PPP2R5C: variants seen among roughly 807,000 people sequenced by gnomAD.
PPP2R5C encodes the protein protein phosphatase 2 regulatory subunit B'gamma.
In PPP2R5C, 7 loss-of-function variants were observed where a neutral mutation model predicts 68.9. The observed-to-expected ratio is 0.10, with a 90% CI of 0.06 to 0.19. PPP2R5C has a LOEUF of 0.19. PPP2R5C is among the 10% of genes least tolerant of loss of function. The pLI, the probability that PPP2R5C is intolerant of heterozygous loss-of-function variation, is 1.00. For missense variants in PPP2R5C, 348 were observed against 641.3 expected, an observed-to-expected ratio of 0.54 and a Z score of 4.94; for synonymous variants, 210 against 222.2, an observed-to-expected ratio of 0.95 and a Z score of 0.49.
intron 13 of PPP2R5C, among the ~76,000 whole-genome samples, chr14:101,923,959 C>T (rs1429786987): frequency 1.3e-5 from 2 of 152,196 alleles, no homozygotes; most frequent in African/African-American, 4.8e-5. Context: ...TAAATTTTGT[C>T]TGCTAGACAT....
At chr14:101,823,611 T>C (rs1396059674) in intron 1 of PPP2R5C, 2 of 313,574 alleles carry the variant, frequency 6.4e-6, no homozygotes, top group Non-Finnish European at 9.4e-6. Flanking sequence ...TGTGAGAGAG[T>C]AAACAAGTAT....
At position 101,899,967 on chromosome 14, in the gene PPP2R5C, G is replaced by C. The variant is rs1028982544; in HGVS notation, c.853-1752G>C. 2.0e-5 allele frequency among the ~76,000 whole-genome samples: 3 copies of C among 152,042 alleles called. No homozygotes were observed. Among genetic ancestry groups the C allele is most frequent in the African/African-American group, 7.2e-5 (3 of 41,394 alleles). ...AGTGGCGCAGTCATGGCTCACTGCA[G>C]CCTCAACCTCCTGGGCTCAAGCAAT... is the stretch of plus-strand genomic sequence containing the variant. On this transcript the variant is annotated intron_variant, in intron 8 of 13. Coordinates refer to ENST00000334743, the Ensembl canonical transcript of PPP2R5C. This position sits in a 1 kb window ranked among gnomAD's most constrained non-coding sequence, Gnocchi z 4.2.
At chr14:101,843,954 C>T in intron 1 of PPP2R5C, 1 of 159,906 alleles carries the variant, frequency 6.3e-6, no homozygotes, top group South Asian at 1.7e-4. Flanking sequence ...CCAAGGGAAG[C>T]CCTTGGCTGT....
At chr14:101,821,976 G>A (rs1206643718) in intron 1 of PPP2R5C, among the ~76,000 whole-genome samples, 4 of 151,884 alleles carry the variant, frequency 2.6e-5, no homozygotes, top group Admixed American at 2.6e-4. Context: ...CTGAGGAGAT[G>A]TTTCCCTTTA....
intron 2 of PPP2R5C, chr14:101,765,882 G>A (rs1269714648): frequency 6.6e-6 from 1 of 151,972 alleles, no homozygotes; most frequent in Non-Finnish European, 1.5e-5. Flanking sequence ...CCACCATGCA[G>A]CCCCTTTCAA....
At chr14:101,919,196 A>G (rs988392644) in intron 13 of PPP2R5C, among the ~76,000 whole-genome samples, 3 of 152,254 alleles carry the variant, frequency 2.0e-5, no homozygotes, top group African/African-American at 7.2e-5. Flanking sequence ...AGCCACGGTC[A>G]TCGGCCTCTT....
chr14:101,877,377 G>A lies in PPP2R5C; in HGVS notation c.295-4784G>A, dbSNP rs543264056. 1.3e-5 allele frequency among the ~76,000 whole-genome samples: 2 copies of A among 152,270 alleles called. No individual in the cohort carries two copies. Among genetic ancestry groups the A allele is most frequent in the East Asian group, 1.9e-4 (1 of 5,182 alleles). On this transcript the variant is annotated intron_variant, in intron 2 of 13. Coordinates refer to ENST00000334743, the Ensembl canonical transcript of PPP2R5C. This position sits in a 1 kb window ranked among gnomAD's most constrained non-coding sequence, Gnocchi z 4.2. ...GGCTGTGCTGCCTTTGTTGGGCAGCGTGATTCTGCGTCTGTGCCTCTGGGT... is the reference window on the plus strand; with the variant it reads ...GGCTGTGCTGCCTTTGTTGGGCAGCATGATTCTGCGTCTGTGCCTCTGGGT...
chr14:101,827,119 G>A (rs2040450438), intron 1 of PPP2R5C, among the ~76,000 whole-genome samples: 2 of 151,562 alleles, frequency 1.3e-5, no homozygotes, highest in African/African-American at 4.9e-5. Context: ...AGGATTACAG[G>A]TGTGTGCCAC....
At chr14:101,883,210 T>C (rs776691671) in intron 3 of PPP2R5C, 47 bp from the exon 6 acceptor site, 9 of 1,319,294 alleles carry the variant, frequency 6.8e-6, no homozygotes, top group Admixed American at 4.6e-5. Context: ...TAACCGCCAT[T>C]CAATAAAATC....
rs1298291730 is a variant in PPP2R5C at position 101,877,200 on chromosome 14, C to T, written c.295-4961C>T. Among the ~76,000 whole-genome samples the T allele has an allele frequency of 4.6e-5, 7 of 152,102 alleles. No homozygotes were observed. Among genetic ancestry groups the T allele is most frequent in the African/African-American group, 1.2e-4 (5 of 41,416 alleles). ...TTGACCTCAAGTGATCCACCCGCCT[C>T]GGCCTCCCAAAGTGCTGGGATTACA... On this transcript the variant is annotated intron_variant, in intron 2 of 13. Coordinates refer to ENST00000334743, the Ensembl canonical transcript of PPP2R5C. The surrounding 1 kb of genome is among the most constrained non-coding windows in gnomAD (Gnocchi z 4.2).
At chr14:101,771,830 T>C (rs1241278630) in intron 2 of PPP2R5C, among the ~76,000 whole-genome samples, 1 of 152,124 alleles carries the variant, frequency 6.6e-6, no homozygotes, top group African/African-American at 2.4e-5. Context: ...GGTGGTAATA[T>C]CAAATTACTA....
intron 1 of PPP2R5C, among the ~76,000 whole-genome samples, chr14:101,838,514 A>ATATGCTC (rs1370387280): frequency 1.3e-5 from 2 of 152,252 alleles, no homozygotes; most frequent in Non-Finnish European, 2.9e-5. Context: ...CATTTCTCTC[A>ATATGCTC]TATGCTCTAT....
At chr14:101,774,272 C>A (rs987260955) in intron 2 of PPP2R5C, among the ~76,000 whole-genome samples, 1 of 152,216 alleles carries the variant, frequency 6.6e-6, no homozygotes. Flanking sequence ...CCCCTAGAGA[C>A]TAAACTGCAG....
At chr14:101,851,692 A>G (rs1166677412) in intron 1 of PPP2R5C, among the ~76,000 whole-genome samples, 1 of 152,086 alleles carries the variant, frequency 6.6e-6, no homozygotes, top group Non-Finnish European at 1.5e-5. Context: ...ACATCTGTGC[A>G]GCAGAAAGTC....
At chr14:101,923,150 G>T (rs2047105982) in intron 13 of PPP2R5C, among the ~76,000 whole-genome samples, 1 of 152,150 alleles carries the variant, frequency 6.6e-6, no homozygotes, top group African/African-American at 2.4e-5. Context: ...CTCCCTGCCT[G>T]CTGCTGCTCT....
intron 3 of PPP2R5C, among the ~76,000 whole-genome samples, chr14:101,795,819 A>G (rs1406125841): frequency 6.6e-6 from 1 of 152,062 alleles, no homozygotes; most frequent in Non-Finnish European, 1.5e-5. Flanking sequence ...ACCCTCATTC[A>G]AAGCAGTTTA....
chr14:101,861,037 A>G (rs533235240), intron 2 of PPP2R5C, among the ~76,000 whole-genome samples: 1 of 152,014 alleles, frequency 6.6e-6, no homozygotes, highest in South Asian at 2.1e-4. Context: ...TGTTTTTTCA[A>G]TTAAATTATC....
intron 6 of PPP2R5C, among the ~76,000 whole-genome samples, chr14:101,892,516 G>C (rs1001226390): frequency 6.6e-6 from 1 of 152,148 alleles, no homozygotes; most frequent in African/African-American, 2.4e-5. Flanking sequence ...TGTAAACCCA[G>C]AATTTTTAAA....
At chr14:101,829,898 G>A (rs920137861) in intron 1 of PPP2R5C, among the ~76,000 whole-genome samples, 5 of 151,814 alleles carry the variant, frequency 3.3e-5, no homozygotes, top group Non-Finnish European at 5.9e-5. Context: ...GTATTGAAAT[G>A]TTCACTCCTA....
Sources: gnomAD v4.1 joint callset for allele counts (sites outside exome capture counted in the v4.1 genomes callset) on GRCh38, gnomAD v4.1.1 for gene constraint, Gnocchi (gnomAD v3.1) non-coding constraint, MANE v1.5 for transcripts, NCBI Gene and HGNC (gene_info 2026-07-23, HGNC 2026-07-21) for gene names.